The following CYP2C19 variants were observed in gnomAD, a reference collection of about 807,000 sequenced individuals.
CYP2C19 encodes the protein cytochrome P450 2C19.
In CYP2C19, 59 loss-of-function variants were observed where a neutral mutation model predicts 40.9. The ratio of observed to expected loss-of-function variants is 1.44; its 90% CI spans 1.17 to 1.79. The LOEUF (loss-of-function observed/expected upper bound fraction) is 1.79. Ranked by LOEUF, CYP2C19 falls within the 40% of genes most tolerant of loss-of-function variation. The pLI is 0.00. For missense variants in CYP2C19, 754 were observed against 596.9 expected (o/e 1.26, Z -2.74); for synonymous variants, 253 against 208.7 (o/e 1.21, Z -1.83).
At chr10:94,814,942 C>T (rs113225663) in intron 5 of CYP2C19, among the ~76,000 whole-genome samples, 6,864 of 140,008 alleles carry the variant, frequency 0.049, 366 homozygotes, top group South Asian at 0.13. Flanking sequence ...TCTAGCACAC[C>T]TTAGCAGCTG....
intron 5 of CYP2C19, among the ~76,000 whole-genome samples, chr10:94,797,784 G>T (rs1324162693): frequency 1.3e-5 from 2 of 152,082 alleles, no homozygotes; most frequent in Non-Finnish European, 1.5e-5. Context: ...GCATACAGGT[G>T]TTTATAGTAT....
intron 6 of CYP2C19, among the ~76,000 whole-genome samples, chr10:94,825,036 T>C (rs367721982): frequency 2.6e-5 from 3 of 116,808 alleles, no homozygotes; most frequent in Non-Finnish European, 3.6e-5. Flanking sequence ...TGTGCCACAT[T>C]TTCTTAATCC....
At chr10:94,849,713 T>C (rs1317270885) in intron 7 of CYP2C19, among the ~76,000 whole-genome samples, 1 of 148,238 alleles carries the variant, frequency 6.7e-6, no homozygotes, top group African/African-American at 2.5e-5. Flanking sequence ...TTCCTGATTG[T>C]GGGCATTTTA....
At chr10:94,803,730 G>A (rs1589360225) in intron 5 of CYP2C19, among the ~76,000 whole-genome samples, 2 of 152,158 alleles carry the variant, frequency 1.3e-5, no homozygotes, top group Non-Finnish European at 2.9e-5. Context: ...AGTTGGTGGT[G>A]GCCTAAACTT....
intron 7 of CYP2C19, among the ~76,000 whole-genome samples, chr10:94,846,505 G>C (rs1380117418): frequency 6.6e-6 from 1 of 152,016 alleles, no homozygotes; most frequent in African/African-American, 2.4e-5. Flanking sequence ...AAAATCTATG[G>C]CATGACACTT....
intron 5 of CYP2C19, among the ~76,000 whole-genome samples, chr10:94,803,387 T>C (rs576247211): frequency 6.6e-6 from 1 of 152,324 alleles, no homozygotes; most frequent in South Asian, 2.1e-4. Context: ...TACATGTCAG[T>C]AGATGGGACT....
In CYP2C19 at chr10:94,781,993, A is replaced by G; in HGVS notation, c.815A>G (p.Glu272Gly). The change falls in exon 5 of 9, where the codon GAG becomes GGG. Residue 272 changes from glutamate (E) to glycine (G), a missense_variant. Transcript: ENST00000371321. ...ATTGATTGCTTCCTGATCAAAATGG[A>G]GAAGGTAAAATGTTAACAAAAGCTT... The part of the protein sequence containing the change: ...DFIDCFLIKM[E>G]KEKQNQQSEF... 1.0e-5 allele frequency: 16 copies of G among 1,537,352 alleles called. No homozygotes were observed. Among genetic ancestry groups the G allele is most frequent in the Non-Finnish European group, 1.4e-5 (16 of 1,150,688 alleles).
chr10:94,800,787 C>A (rs1309849694), intron 5 of CYP2C19, among the ~76,000 whole-genome samples: 5 of 152,164 alleles, frequency 3.3e-5, no homozygotes, highest in Non-Finnish European at 7.3e-5. Flanking sequence ...GCTGTGCTAG[C>A]AGTGAACAAG....
intron 5 of CYP2C19, among the ~76,000 whole-genome samples, chr10:94,800,822 A>G (rs1162674199): frequency 6.6e-6 from 1 of 152,192 alleles, no homozygotes; most frequent in Admixed American, 6.5e-5. Context: ...GGACCCACTG[A>G]GCCAGGCACG....
At chr10:94,802,145 G>A (rs930837122) in intron 5 of CYP2C19, among the ~76,000 whole-genome samples, 1 of 151,154 alleles carries the variant, frequency 6.6e-6, no homozygotes, top group African/African-American at 2.5e-5. Context: ...TCAGAGCACT[G>A]ATTGGTCCAT....
At chr10:94,830,720 A>T (rs1759801537) in intron 6 of CYP2C19, among the ~76,000 whole-genome samples, 1 of 152,190 alleles carries the variant, frequency 6.6e-6, no homozygotes, top group Non-Finnish European at 1.5e-5. Context: ...TATATATACT[A>T]ACGTATATGT....
At chr10:94,775,365 C>A (rs1848392984) in intron 2 of CYP2C19, 25 bp from the exon 3 acceptor site, 2 of 1,613,226 alleles carry the variant, frequency 1.2e-6, no homozygotes, top group Non-Finnish European at 1.7e-6. Flanking sequence ...GATCTCCCTC[C>A]TAGTTTCGTT....
chr10:94,853,244 G>T lies in CYP2C19; in HGVS notation c.*330G>T, dbSNP rs549225840. The T allele has an allele frequency of 5.4e-6, 2 of 367,554 alleles. No homozygotes were observed. The highest frequency in any genetic ancestry group is 9.9e-6 in the Non-Finnish European group (2 of 202,718). The allele number at this position is 367,554 out of a possible 1,614,324, so 22.8% of individuals were successfully genotyped here. ...CTTCTCTGCATGTTCTAAACAAAAAGCATTATTATTTGCTGAGTCAGGTTA... is the reference window on the plus strand; with the variant it reads ...CTTCTCTGCATGTTCTAAACAAAAATCATTATTATTTGCTGAGTCAGGTTA... On this transcript the variant is annotated 3_prime_UTR_variant, in exon 9 of 9. Coordinates refer to ENST00000371321, the MANE Select transcript of CYP2C19 (RefSeq NM_000769.4).
chr10:94,791,355 G>C (rs1485078391), intron 5 of CYP2C19, among the ~76,000 whole-genome samples: 1 of 151,632 alleles, frequency 6.6e-6, no homozygotes, highest in African/African-American at 2.4e-5. Flanking sequence ...GGTTTTCTGT[G>C]TCTATCTCCT....
intron 5 of CYP2C19, among the ~76,000 whole-genome samples, chr10:94,790,771 C>T (rs1848595017): frequency 6.6e-6 from 1 of 152,018 alleles, no homozygotes; most frequent in Admixed American, 6.6e-5. Context: ...TTCAGTTTGC[C>T]AGTATTTTAT....
intron 6 of CYP2C19, among the ~76,000 whole-genome samples, chr10:94,834,711 A>T (rs1217771515): frequency 6.6e-6 from 1 of 152,050 alleles, no homozygotes; most frequent in Non-Finnish European, 1.5e-5. Flanking sequence ...GCAGCAGATG[A>T]TTGGCTATTT....
intron 8 of CYP2C19, among the ~76,000 whole-genome samples, chr10:94,850,636 C>T (rs965738769): frequency 6.6e-6 from 1 of 152,014 alleles, no homozygotes. Flanking sequence ...TATCTTATAA[C>T]CCAAAATGAG....
At chr10:94,845,665 G>C (rs1312857241) in intron 7 of CYP2C19, among the ~76,000 whole-genome samples, 1 of 152,010 alleles carries the variant, frequency 6.6e-6, no homozygotes, top group Non-Finnish European at 1.5e-5. Context: ...GAGTAATAAT[G>C]GTCGTGCTTC....
chr10:94,801,449 T>C (rs1231565885), intron 5 of CYP2C19, among the ~76,000 whole-genome samples: 1 of 152,216 alleles, frequency 6.6e-6, no homozygotes, highest in East Asian at 1.9e-4. Context: ...TGCACTGTGG[T>C]TTGAGAGACT....
Sources: allele counts gnomAD v4.1 joint callset (sites outside exome capture counted in the v4.1 genomes callset), GRCh38; gene constraint gnomAD v4.1.1; transcripts MANE v1.5; gene names NCBI Gene and HGNC (gene_info 2026-07-23, HGNC 2026-07-21).